Variants in RALYL observed in about 807,000 individuals in gnomAD.
RALYL encodes the protein RNA-binding Raly-like protein.
RALYL carries 29 observed loss-of-function variants against 35.1 expected under a neutral mutation model. The ratio of observed to expected loss-of-function variants is 0.83; its 90% CI spans 0.61 to 1.13. The LOEUF (loss-of-function observed/expected upper bound fraction) is 1.13, where lower values mean the gene tolerates loss of function less well. RALYL is among the 50% of genes most tolerant of loss of function. The pLI, the probability that RALYL is intolerant of heterozygous loss-of-function variation, is 0.00. For missense variants in RALYL, 359 were observed against 360.4 expected (o/e 1.00, Z 0.03); for synonymous variants, 120 against 127.6 (o/e 0.94, Z 0.40).
At chr8:84,587,115 C>T (rs762118425) in intron 2 of RALYL, among the ~76,000 whole-genome samples, 1 of 152,176 alleles carries the variant, frequency 6.6e-6, no homozygotes. Flanking sequence ...GGTTATCAAA[C>T]GAACCTACAT....
In RALYL at chr8:84,772,133, G is replaced by A. The variant is rs190122724; in HGVS notation, c.257-2446G>A. On this transcript the variant is annotated intron_variant, in intron 2 of 8. Transcript: ENST00000521268. ...CTTTCCCTCACTGATCTGCTATGTC[G>A]GCTCCATGTGTTTATATATGTCAAT... Among the ~76,000 whole-genome samples the A allele has an allele frequency of 4.7e-3, 706 of 151,800 alleles. 7 individuals are homozygous for A. Among genetic ancestry groups the A allele is most frequent in the African/African-American group, 0.016 (671 of 41,412 alleles).
intron 1 of RALYL, among the ~76,000 whole-genome samples, chr8:84,409,201 C>A (rs370107161): frequency 5.9e-5 from 9 of 152,074 alleles, no homozygotes; most frequent in African/African-American, 2.2e-4. Flanking sequence ...TTTATCAGAG[C>A]AGGTGATTTT....
intron 2 of RALYL, among the ~76,000 whole-genome samples, chr8:84,670,628 G>A (rs925032657): frequency 6.6e-6 from 1 of 152,192 alleles, no homozygotes; most frequent in Non-Finnish European, 1.5e-5. Flanking sequence ...TTACATGGCA[G>A]CAGGCAAGAG....
chr8:84,372,886 G>GTTTTTTTTTTTTTTTTTTTTTTTTT lies in RALYL; in HGVS notation c.-23-156408_-23-156384dup, dbSNP rs76885544. On this transcript the variant is annotated intron_variant, in intron 1 of 8. Coordinates refer to ENST00000521268, the MANE Select transcript of RALYL (RefSeq NM_173848.7). ...TTTCTCCACAACCATGCCAGCATCT[G>GTTTTTTTTTTTTTTTTTTTTTTTTT]TTTTTTTTTTTTTTTTTTTTTTTTT... is the stretch of plus-strand genomic sequence containing the variant. Among the ~76,000 whole-genome samples the GTTTTTTTTTTTTTTTTTTTTTTTTT allele has an allele frequency of 3.6e-4, 14 of 39,074 alleles. 3 individuals carry two copies. The highest frequency in any genetic ancestry group is 9.9e-4 in the African/African-American group (9 of 9,124). 25.6% of individuals were successfully genotyped at this position (39,074 alleles called of 152,430 possible).
chr8:84,827,542 A>G (rs1228388756), intron 4 of RALYL, among the ~76,000 whole-genome samples: 1 of 152,148 alleles, frequency 6.6e-6, no homozygotes, highest in East Asian at 1.9e-4. Context: ...CCAGTAAAGT[A>G]TCTAATTCTG....
intron 2 of RALYL, among the ~76,000 whole-genome samples, chr8:84,774,024 C>A (rs1327023677): frequency 6.6e-6 from 1 of 152,088 alleles, no homozygotes; most frequent in African/African-American, 2.4e-5. Context: ...TTTGAGACAG[C>A]CTGGGCCTCC....
At chr8:84,757,323 G>C (rs544926333) in intron 2 of RALYL, among the ~76,000 whole-genome samples, 1 of 152,142 alleles carries the variant, frequency 6.6e-6, no homozygotes, top group Non-Finnish European at 1.5e-5. Flanking sequence ...GTAAAAACTA[G>C]TTCCGATTTC....
chr8:84,687,640 GC>G (rs1442079766), intron 2 of RALYL, among the ~76,000 whole-genome samples: 9 of 152,062 alleles, frequency 5.9e-5, no homozygotes, highest in Admixed American at 6.6e-5. Flanking sequence ...TGCATAATTG[GC>G]AAAATTACTG....
chr8:84,857,628 C>T (rs550700736), intron 5 of RALYL, among the ~76,000 whole-genome samples: 21 of 152,142 alleles, frequency 1.4e-4, no homozygotes, highest in African/African-American at 5.1e-4. Context: ...GGTGTATCTA[C>T]CTGAGAAAAT....
At chr8:84,842,715 C>G (rs1256694939) in intron 4 of RALYL, among the ~76,000 whole-genome samples, 1 of 152,126 alleles carries the variant, frequency 6.6e-6, no homozygotes, top group Non-Finnish European at 1.5e-5. Flanking sequence ...TGCAAAAATC[C>G]TCAGTAAAAT....
At chr8:84,544,963 ATAAT>A (rs1355458545) in intron 2 of RALYL, among the ~76,000 whole-genome samples, 2 of 152,052 alleles carry the variant, frequency 1.3e-5, no homozygotes, top group Admixed American at 1.3e-4. Context: ...CATTAAGAAA[ATAAT>A]TAAATTCATT....
chr8:84,740,802 T>C (rs542039169), intron 2 of RALYL, among the ~76,000 whole-genome samples: 1 of 152,132 alleles, frequency 6.6e-6, no homozygotes, highest in Non-Finnish European at 1.5e-5. Context: ...TGGCACAAAC[T>C]TTTGGTAATT....
At chr8:84,504,114 T>A (rs1374267664) in intron 1 of RALYL, among the ~76,000 whole-genome samples, 2 of 151,772 alleles carry the variant, frequency 1.3e-5, no homozygotes, top group Non-Finnish European at 2.9e-5. Flanking sequence ...ATAGTTACTA[T>A]AAAGAACAAC....
chr8:84,582,448 C>T (rs1457038868), intron 2 of RALYL, among the ~76,000 whole-genome samples: 2 of 151,956 alleles, frequency 1.3e-5, no homozygotes, highest in South Asian at 2.1e-4. Flanking sequence ...GTGTTAGCTG[C>T]AGTCTTTCCC....
In RALYL at chr8:84,742,297, TA is replaced by T. The variant is rs1248819687; in HGVS notation, c.257-32277del. On this transcript the variant is annotated intron_variant, in intron 2 of 8. Transcript: ENST00000521268. ...CAGTGTTCAGATAAAATAGTGTTTT[TA>T]AAAATATGTGAGACCTTCAAAACTA... 3.9e-5 allele frequency among the ~76,000 whole-genome samples: 6 copies of T among 152,106 alleles called. No homozygotes were observed. In the South Asian group the frequency reaches 1.0e-3, roughly 26 times the overall value.
chr8:84,528,277 A>G (rs1242321732), intron 1 of RALYL, among the ~76,000 whole-genome samples: 2 of 152,082 alleles, frequency 1.3e-5, no homozygotes, highest in Admixed American at 1.3e-4. Flanking sequence ...AATGGTGTCT[A>G]TAAATTAATA....
intron 2 of RALYL, among the ~76,000 whole-genome samples, chr8:84,666,740 A>C (rs1403622996): frequency 6.6e-6 from 1 of 152,020 alleles, no homozygotes; most frequent in Non-Finnish European, 1.5e-5. Context: ...CCTTTCTTCC[A>C]CTGCAGTCCT....
At chr8:84,386,626 G>C (rs1275532884) in intron 1 of RALYL, among the ~76,000 whole-genome samples, 2 of 151,760 alleles carry the variant, frequency 1.3e-5, no homozygotes, top group African/African-American at 4.8e-5. Context: ...AGATTTTCCT[G>C]GTTCAGCAAC....
intron 2 of RALYL, among the ~76,000 whole-genome samples, chr8:84,588,252 C>A (rs1188019633): frequency 6.6e-6 from 1 of 152,160 alleles, no homozygotes; most frequent in Non-Finnish European, 1.5e-5. Context: ...ATTCCCCTGT[C>A]ACCTTTTTGC....
Sources: gnomAD v4.1 joint callset for allele counts (sites outside exome capture counted in the v4.1 genomes callset) on GRCh38, gnomAD v4.1.1 for gene constraint, MANE v1.5 for transcripts, NCBI Gene and HGNC (gene_info 2026-07-23, HGNC 2026-07-21) for gene names.